Variants in SEPTIN2 observed in about 807,000 individuals in gnomAD.
SEPTIN2 encodes the protein septin-2.
SEPTIN2 carries 34 observed loss-of-function variants against 46.5 expected under a neutral mutation model. The observed-to-expected ratio is 0.73, with a 90% CI of 0.56 to 0.97. The LOEUF (loss-of-function observed/expected upper bound fraction) is 0.97, where lower values mean the gene tolerates loss of function less well. Ranked by LOEUF, SEPTIN2 falls within the 50% of genes least tolerant of loss-of-function variation. SEPTIN2 has a pLI of 0.00. For missense variants in SEPTIN2, 347 were observed against 448.4 expected (o/e 0.77, Z 2.04); for synonymous variants, 175 against 153.4 (o/e 1.14, Z -1.04).
At chr2:241,326,213 T>C (rs1441076786) in intron 3 of SEPTIN2, 100 bp downstream of exon 3, 2 of 1,182,398 alleles carry the variant, frequency 1.7e-6, no homozygotes, top group African/African-American at 3.1e-5. Flanking sequence ...GAGGAAAATT[T>C]GGCAGAGTCA....
At chr2:241,315,815 C>T (rs1051846621), upstream of SEPTIN2, 37 of 152,074 alleles carry the variant, frequency 2.4e-4, no homozygotes, top group Admixed American at 2.4e-3. Flanking sequence ...AAGGCCAGGT[C>T]GCACTGAGCC....
chr2:241,324,200 GTT>G lies in SEPTIN2; in HGVS notation c.-17-7_-17-6del, dbSNP rs140488346. 2 of 1,418,842 alleles carry G rather than the reference GTT, an allele frequency of 1.4e-6. No homozygotes were observed. Among genetic ancestry groups the G allele is most frequent in the Admixed American group, 1.9e-5 (1 of 53,006 alleles). 87.9% of individuals were successfully genotyped at this position (1,418,842 alleles called of 1,614,324 possible). ...TATGTGCGTTTATGTGTGTCTGTGT[GTT>G]TTTTTTTTAACAGACGAAGCTTCAC... On this transcript the variant is annotated splice_polypyrimidine_tract_variant and intron_variant, in intron 1 of 12. Transcript: ENST00000391971.
In SEPTIN2 at chr2:241,342,986, T is replaced by C. The variant is rs199516290; in HGVS notation, c.595-6T>C. ...AAAATTGATCCTGGTTTTGTCATTC[T>C]CTCAGATTCTGGATGAAATTGAAGA... On this transcript the variant is annotated splice_polypyrimidine_tract_variant and splice_region_variant and intron_variant, in intron 7 of 12. Coordinates refer to ENST00000391971, the MANE Select transcript of SEPTIN2 (RefSeq NM_004404.5). The C allele has an allele frequency of 1.9e-6, 3 of 1,544,284 alleles. No individual in the cohort carries two copies. Among genetic ancestry groups the C allele is most frequent in the African/African-American group, 1.4e-5 (1 of 73,386 alleles).
intron 1 of SEPTIN2, 141 bp downstream of exon 1, chr2:241,316,123 C>T (rs969009401): frequency 3.9e-5 from 7 of 178,554 alleles, no homozygotes; most frequent in Middle Eastern, 2.2e-3. Context: ...GGGGGAGGGG[C>T]GGCCGAGCCC....
intron 4 of SEPTIN2, 91 bp from the exon 5 acceptor site, chr2:241,335,884 G>A (rs1053982609): frequency 1.3e-6 from 2 of 1,516,756 alleles, no homozygotes; most frequent in Non-Finnish European, 9.2e-7. Context: ...CTGTAGAGAG[G>A]CAGTAGACTC....
At chr2:241,347,065 G>A (rs1376291980) in intron 10 of SEPTIN2, among the ~76,000 whole-genome samples, 1 of 152,156 alleles carries the variant, frequency 6.6e-6, no homozygotes, top group Admixed American at 6.5e-5. Flanking sequence ...GACCGGCCCT[G>A]GCAACATAGG....
chr2:241,337,613 GAGAGA>G lies in SEPTIN2; in HGVS notation c.477-55_477-51del, dbSNP rs925933696. 1.5e-5 allele frequency: 23 copies of G among 1,579,128 alleles called. No homozygotes were observed. In the African/African-American group the frequency reaches 3.1e-4, roughly 21 times the overall value. ...TAATATAAGAATTAAGATAATTTGAGAGAGAAGAGTTTTGTATGTATTTTTTTTAA... is the reference window on the plus strand; with the variant it reads ...TAATATAAGAATTAAGATAATTTGAGAGAGTTTTGTATGTATTTTTTTTAA... On this transcript the variant is annotated intron_variant, in intron 6 of 12. Transcript: ENST00000391971.
chr2:241,335,802 T>C (rs1575273025), intron 4 of SEPTIN2, 173 bp from the exon 5 acceptor site: 1 of 735,074 alleles, frequency 1.4e-6, no homozygotes, highest in East Asian at 2.5e-5. Context: ...ATCTTAGCTT[T>C]AACCTTCCCC....
chr2:241,340,712 A>C (rs957244190), intron 7 of SEPTIN2, among the ~76,000 whole-genome samples: 1 of 152,328 alleles, frequency 6.6e-6, no homozygotes, highest in Admixed American at 6.5e-5. Context: ...GGATTACAAC[A>C]TCTGAGATGA....
In SEPTIN2 at chr2:241,343,961, G is replaced by T. The variant is rs370143641; in HGVS notation, c.842+64G>T. 2.1e-5 allele frequency: 33 copies of T among 1,579,882 alleles called. No homozygotes were observed. In the East Asian group the frequency reaches 6.5e-4, roughly 31 times the overall value. Reference sequence around the variant, plus strand: ...GTGAAGAATATGGATTTCAGACGGGGTGTACACTTGGCCCCCAAGATAGTT... The same window carrying T: ...GTGAAGAATATGGATTTCAGACGGGTTGTACACTTGGCCCCCAAGATAGTT... On this transcript the variant is annotated intron_variant, in intron 9 of 12. Coordinates refer to ENST00000391971, the MANE Select transcript of SEPTIN2 (RefSeq NM_004404.5).
chr2:241,319,309 A>G (rs771444532), intron 1 of SEPTIN2, among the ~76,000 whole-genome samples: 3 of 152,250 alleles, frequency 2.0e-5, no homozygotes, highest in Non-Finnish European at 4.4e-5. Context: ...TTTGCTTCAT[A>G]ATCATCCAGG....
intron 3 of SEPTIN2, 38 bp from the exon 4 acceptor site, chr2:241,335,088 G>C: frequency 7.0e-7 from 1 of 1,424,320 alleles, no homozygotes; most frequent in Non-Finnish European, 9.9e-7. Flanking sequence ...GGTGTCATAT[G>C]AATAAGGTCA....
Position 241,337,710 on chromosome 2 carries a change from CACA to C in SEPTIN2, c.519_521del (p.Asn173del). On this transcript the variant is annotated inframe_deletion, in exon 7 of 13. Coordinates refer to ENST00000391971, the MANE Select transcript of SEPTIN2 (RefSeq NM_004404.5). ...AGATGTGGCGTTTATGAAGGCAATA[CACA>C]ACAAGGTGAATATTGTGCCTGTCAT... 1 of 1,613,928 alleles carries C rather than the reference CACA, an allele frequency of 6.2e-7. No homozygotes were observed. Among genetic ancestry groups the C allele is most frequent in the Non-Finnish European group, 8.5e-7 (1 of 1,179,928 alleles).
At chr2:241,317,605 G>A in intron 1 of SEPTIN2, 1 of 975,242 alleles carries the variant, frequency 1.0e-6, no homozygotes, top group Non-Finnish European at 1.2e-6. Flanking sequence ...GTGAGGTAAG[G>A]CCATTTGTAT....
At chr2:241,342,845 T>C (rs1008983482) in intron 7 of SEPTIN2, 147 bp from the exon 8 acceptor site, 3 of 581,550 alleles carry the variant, frequency 5.2e-6, no homozygotes, top group Non-Finnish European at 9.3e-6. Context: ...CGCAGTTTTA[T>C]AAATTTATTT....
rs555102217 is a variant in SEPTIN2 at position 241,317,650 on chromosome 2, T to C, written c.-18+1668T>C. 16 of 724,038 alleles carry C rather than the reference T, an allele frequency of 2.2e-5. No homozygotes were observed. In the Admixed American group the frequency reaches 3.1e-4, roughly 14 times the overall value. 44.9% of individuals were successfully genotyped at this position (724,038 alleles called of 1,614,324 possible). ...TGTTAGTAGTCATACATGCCACTTA[T>C]CCCTGCCCCAGTCCCTGTTAGGAGT... On this transcript the variant is annotated intron_variant, in intron 1 of 12. Coordinates refer to ENST00000391971, the MANE Select transcript of SEPTIN2 (RefSeq NM_004404.5).
At chr2:241,321,822 C>G (rs1559592952) in intron 1 of SEPTIN2, among the ~76,000 whole-genome samples, 1 of 151,020 alleles carries the variant, frequency 6.6e-6, no homozygotes, top group East Asian at 1.9e-4. Flanking sequence ...TAATGATTAC[C>G]TTTTTTTTTA....
chr2:241,326,281 G>A (rs1246235179), intron 3 of SEPTIN2, among the ~76,000 whole-genome samples, 168 bp downstream of exon 3: 1 of 152,124 alleles, frequency 6.6e-6, no homozygotes, highest in Non-Finnish European at 1.5e-5. Flanking sequence ...TTTCTCAGGA[G>A]CAAAATTATT....
chr2:241,316,224 G>A (rs2076205208), intron 1 of SEPTIN2: 1 of 351,454 alleles, frequency 2.8e-6, no homozygotes, highest in African/African-American at 2.1e-5. Flanking sequence ...CCGGGCGCGG[G>A]AGTGGGGATT....
Sources: gnomAD v4.1 joint callset for allele counts (sites outside exome capture counted in the v4.1 genomes callset) on GRCh38, gnomAD v4.1.1 for gene constraint, MANE v1.5 for transcripts, NCBI Gene and HGNC (gene_info 2026-07-23, HGNC 2026-07-21) for gene names.